CALN1: variants seen among roughly 807,000 people sequenced by gnomAD.
The protein encoded by CALN1 is calcium-binding protein 8.
A neutral mutation model predicts 30.6 loss-of-function variants in CALN1; 17 were observed. The observed-to-expected ratio is 0.56, with a 90% confidence interval of 0.38 to 0.83. The LOEUF (loss-of-function observed/expected upper bound fraction) is 0.83, where lower values mean the gene tolerates loss of function less well. Ranked by LOEUF, CALN1 falls within the 40% of genes least tolerant of loss-of-function variation. CALN1 has a pLI of 0.00. For synonymous variants in CALN1, 156 were observed against 131.4 expected, an observed-to-expected ratio of 1.19 and a Z score of -1.28; for missense variants, 291 against 354.9, an observed-to-expected ratio of 0.82 and a Z score of 1.45.
At chr7:72,455,605 C>T in the CALN1 span, among the ~76,000 whole-genome samples, 1 of 151,840 alleles carries the variant, frequency 6.6e-6, no homozygotes, top group East Asian at 1.9e-4. Context: ...CAGTACAGCC[C>T]CTGGTTCTCA....
chr7:71,867,144 CA>C (rs745359572), intron 5 of CALN1, among the ~76,000 whole-genome samples: 9 of 138,956 alleles, frequency 6.5e-5, no homozygotes, highest in Non-Finnish European at 1.3e-4. Context: ...GACTCTGTCT[CA>C]AAAAAAAAAA....
chr7:72,478,374 A>G, the CALN1 span, among the ~76,000 whole-genome samples: 1 of 147,354 alleles, frequency 6.8e-6, no homozygotes, highest in East Asian at 1.9e-4. Flanking sequence ...ATAAATAAAT[A>G]TATAAATATT....
At chr7:72,476,031 C>A in the CALN1 span, among the ~76,000 whole-genome samples, 1 of 148,460 alleles carries the variant, frequency 6.7e-6, no homozygotes, top group African/African-American at 2.5e-5. Context: ...TCACTGCAAC[C>A]TCTGCCTCCC....
intron 4 of CALN1, among the ~76,000 whole-genome samples, chr7:72,089,606 A>G (rs1435189340): frequency 2.0e-5 from 3 of 152,168 alleles, no homozygotes; most frequent in Non-Finnish European, 2.9e-5. Context: ...AAGAAACTGA[A>G]TAATTGTGAA....
chr7:72,260,943 CCT>C (rs1796230064), intron 3 of CALN1, among the ~76,000 whole-genome samples: 1 of 151,988 alleles, frequency 6.6e-6, no homozygotes, highest in Non-Finnish European at 1.5e-5. Context: ...TGCAACATAC[CCT>C]GAGGCTCATT....
chr7:72,225,376 G>A (rs1562764001), intron 3 of CALN1, among the ~76,000 whole-genome samples: 1 of 151,972 alleles, frequency 6.6e-6, no homozygotes, highest in African/African-American at 2.4e-5. Flanking sequence ...ATACTTAAGT[G>A]CCAATTACCA....
chr7:72,378,739 T>C lies in CALN1; in HGVS notation c.119+24512A>G, dbSNP rs538502272. ...AAAATACAAATATAACATCTTTTTC[T>C]GTATTTTTAGTAGAGACGAAGTTTC... On this transcript the variant is annotated intron_variant, in intron 2 of 6. Coordinates refer to ENST00000395275, the MANE Select transcript of CALN1 (RefSeq NM_031468.4). Among the ~76,000 whole-genome samples, 11 of 152,194 alleles carry C rather than the reference T, an allele frequency of 7.2e-5. No individual in the cohort carries two copies. In the South Asian group the frequency reaches 2.3e-3, roughly 32 times the overall value.
intron 5 of CALN1, among the ~76,000 whole-genome samples, chr7:71,889,335 A>T (rs1238205711): frequency 6.6e-6 from 1 of 152,194 alleles, no homozygotes; most frequent in Non-Finnish European, 1.5e-5. Context: ...TTTAAGAAAC[A>T]TAACATTTTA....
chr7:72,417,201 A>G (rs1807450752), upstream of CALN1, among the ~76,000 whole-genome samples: 1 of 152,186 alleles, frequency 6.6e-6, no homozygotes, highest in South Asian at 2.1e-4. Context: ...TCGCCTCCCG[A>G]GGGAGGACAT....
chr7:72,255,112 ATCTC>A (rs912437086), intron 3 of CALN1, among the ~76,000 whole-genome samples: 5 of 147,896 alleles, frequency 3.4e-5, no homozygotes, highest in Non-Finnish European at 7.5e-5. Flanking sequence ...TTGAGACGGA[ATCTC>A]TCTCTGTCAC....
chr7:72,024,202 T>C (rs550742135), intron 4 of CALN1, among the ~76,000 whole-genome samples: 4 of 152,306 alleles, frequency 2.6e-5, no homozygotes, highest in African/African-American at 7.2e-5. Context: ...GGTTGCTGTA[T>C]CTTCCTCATT....
intron 4 of CALN1, among the ~76,000 whole-genome samples, chr7:72,072,731 T>C (rs1319849516): frequency 6.6e-6 from 1 of 152,220 alleles, no homozygotes; most frequent in Non-Finnish European, 1.5e-5. Context: ...CCATATAATG[T>C]ATAAAGAGGT....
intron 5 of CALN1, among the ~76,000 whole-genome samples, chr7:71,890,002 G>A (rs1423589359): frequency 6.6e-6 from 1 of 151,808 alleles, no homozygotes; most frequent in African/African-American, 2.4e-5. Context: ...ACTTTAGAGT[G>A]TAAATTCTCA....
chr7:72,370,909 G>A (rs1199812948), intron 2 of CALN1, among the ~76,000 whole-genome samples: 2 of 151,968 alleles, frequency 1.3e-5, no homozygotes, highest in Admixed American at 6.6e-5. Flanking sequence ...TTAGCGGGTT[G>A]TGGTGGCATG....
At position 72,390,701 on chromosome 7, in the gene CALN1, T is replaced by C. The variant is rs113258046; in HGVS notation, c.119+12550A>G. On this transcript the variant is annotated intron_variant, in intron 2 of 6. Coordinates refer to ENST00000395275, the MANE Select transcript of CALN1 (RefSeq NM_031468.4). ...CATGTTCCCACTGTCCCAATTACTT[T>C]GAAATGTTGTTTATGCTTACCCTAA... Among the ~76,000 whole-genome samples, 739 of 152,324 alleles carry C rather than the reference T, an allele frequency of 4.9e-3. 3 individuals are homozygous for C. Among genetic ancestry groups the C allele is most frequent in the African/African-American group, 0.017 (700 of 41,562 alleles).
intron 6 of CALN1, among the ~76,000 whole-genome samples, chr7:71,806,989 C>T (rs959940320): frequency 6.6e-6 from 1 of 152,176 alleles, no homozygotes; most frequent in Non-Finnish European, 1.5e-5. Flanking sequence ...CCTGGTGGTC[C>T]TGTAACAGGA....
chr7:72,193,204 G>GA (rs528166098), intron 3 of CALN1, among the ~76,000 whole-genome samples: 24 of 134,464 alleles, frequency 1.8e-4, no homozygotes, highest in African/African-American at 4.4e-4. Flanking sequence ...AAAGAAAAGA[G>GA]AAAAAAAAAA....
intron 1 of CALN1, among the ~76,000 whole-genome samples, chr7:72,431,122 G>T (rs750188683): frequency 4.0e-5 from 6 of 151,880 alleles, no homozygotes; most frequent in Non-Finnish European, 7.4e-5. Flanking sequence ...TAAAGACAGG[G>T]TTTCACCATA....
chr7:71,785,120 C>A lies in CALN1; in HGVS notation c.*2655G>T. The A allele has an allele frequency of 2.7e-6, 1 of 373,878 alleles. No individual in the cohort carries two copies. The highest frequency in any genetic ancestry group is 4.7e-6 in the Non-Finnish European group (1 of 210,906). The allele number at this position is 373,878 out of a possible 1,614,324, so 23.2% of individuals were successfully genotyped here. A position where few individuals can be genotyped will look rare whatever the true frequency, so the allele number is the denominator to read the frequency against. Reference sequence around the variant, plus strand: ...CCCTGGGTGCCACATGGGGGGTTACCACAGTGGGAAGATAACTCCTAGGCT... The same window carrying A: ...CCCTGGGTGCCACATGGGGGGTTACAACAGTGGGAAGATAACTCCTAGGCT... On this transcript the variant is annotated 3_prime_UTR_variant, in exon 7 of 7. Coordinates refer to ENST00000395275, the MANE Select transcript of CALN1 (RefSeq NM_031468.4).
Sources: gnomAD v4.1 joint callset for allele counts (sites outside exome capture counted in the v4.1 genomes callset) on GRCh38, gnomAD v4.1.1 for gene constraint, MANE v1.5 for transcripts, NCBI Gene and HGNC (gene_info 2026-07-23, HGNC 2026-07-21) for gene names.